CPSF4: variants seen among roughly 807,000 people sequenced by gnomAD.
The protein encoded by CPSF4 is cleavage and polyadenylation specific factor 4.
CPSF4 carries 11 observed loss-of-function variants against 37.7 expected under a neutral mutation model. The observed-to-expected ratio is 0.29, with a 90% CI of 0.18 to 0.48. The LOEUF is 0.48. Ranked by LOEUF, CPSF4 falls within the 20% of genes least tolerant of loss-of-function variation. CPSF4 has a pLI of 0.99. For missense variants in CPSF4, 144 were observed against 359.5 expected (o/e 0.40, Z 4.85); for synonymous variants, 132 against 135.9 (o/e 0.97, Z 0.20).
chr7:99,452,639 A>G (rs1798016789), intron 6 of CPSF4, 199 bp downstream of exon 6: 1 of 575,298 alleles, frequency 1.7e-6, no homozygotes, highest in Non-Finnish European at 3.1e-6. Flanking sequence ...CTTGCCCTAG[A>G]ACCTCAGCAA....
chr7:99,443,230 A>T, intron 1 of CPSF4: 1 of 776,356 alleles, frequency 1.3e-6, no homozygotes, highest in East Asian at 2.4e-5. Flanking sequence ...GGTATTTCAG[A>T]TGTAATTTTC....
At chr7:99,440,674 A>ATTTTTTTTTTTTTT (rs1195402168) in intron 1 of CPSF4, among the ~76,000 whole-genome samples, 4 of 88,086 alleles carry the variant, frequency 4.5e-5, no homozygotes, top group South Asian at 4.3e-4. Flanking sequence ...ATATATATAT[A>ATTTTTTTTTTTTTT]TTTTTTTTTT....
chr7:99,455,048 CTT>C (rs138659924), intron 7 of CPSF4, among the ~76,000 whole-genome samples: 1,958 of 152,254 alleles, frequency 0.013, 38 homozygotes, highest in African/African-American at 0.045. Context: ...GACTGAGACT[CTT>C]TGTCTCCAAA....
intron 1 of CPSF4, among the ~76,000 whole-genome samples, chr7:99,440,704 C>G (rs1026894486): frequency 2.7e-5 from 3 of 110,994 alleles, no homozygotes; most frequent in African/African-American, 1.4e-4. Flanking sequence ...CCTGCCTGTC[C>G]CACAACTTTA....
intron 2 of CPSF4, among the ~76,000 whole-genome samples, chr7:99,447,211 A>G (rs1361477898): frequency 6.6e-6 from 1 of 150,886 alleles, no homozygotes; most frequent in Non-Finnish European, 1.5e-5. Flanking sequence ...GGCCTTCCAA[A>G]GTGCTAGGAT....
rs971089070 is a variant in CPSF4 at position 99,456,378 on chromosome 7, T to A, written c.742-54T>A. ...GCACTCCCTTAGTTGAAAACTGCAT[T>A]TGAACAGTGTTGTTGTCTGTCTCTC... On this transcript the variant is annotated intron_variant, in intron 7 of 7. Transcript: ENST00000292476. 1.9e-6 allele frequency: 3 copies of A among 1,546,126 alleles called. No homozygotes were observed. In the African/African-American group the frequency reaches 4.1e-5, roughly 21 times the overall value.
chr7:99,450,009 G>A (rs926816349), intron 3 of CPSF4, among the ~76,000 whole-genome samples: 1 of 152,172 alleles, frequency 6.6e-6, no homozygotes, highest in Non-Finnish European at 1.5e-5. Flanking sequence ...CGCTGCTTTG[G>A]AGAGGGCCAG....
rs1798096779 is a variant in CPSF4, at chr7:99,453,784, A to G, written c.571-182A>G. 1.7e-6 allele frequency: 1 copy of G among 602,504 alleles called. No homozygotes were observed. Among genetic ancestry groups the G allele is most frequent in the Non-Finnish European group, 2.9e-6 (1 of 340,744 alleles). 37.3% of individuals were successfully genotyped at this position (602,504 alleles called of 1,614,324 possible). A position where few individuals can be genotyped will look rare whatever the true frequency, so the allele number is the denominator to read the frequency against. ...TGTGTCTGCATGGTGTTTTTCGGGC[A>G]GTGGCTTCTGCCATCATCACCACAT... On this transcript the variant is annotated intron_variant, in intron 6 of 7. Transcript: ENST00000292476. The surrounding 1 kb of genome is among the most constrained non-coding windows in gnomAD (Gnocchi z 4.7).
chr7:99,451,096 G>A (rs1263561341), intron 5 of CPSF4: 4 of 277,450 alleles, frequency 1.4e-5, no homozygotes, highest in Non-Finnish European at 2.7e-5. Context: ...GGGAATTTGG[G>A]GACTTCCAGT....
At chr7:99,454,245 TG>T in intron 7 of CPSF4, 109 bp downstream of exon 7, 2 of 1,082,688 alleles carry the variant, frequency 1.8e-6, no homozygotes, top group Non-Finnish European at 2.6e-6. Context: ...CATTCATTTT[TG>T]CTGATTGTAA....
chr7:99,444,709 GT>G, intron 1 of CPSF4, 79 bp from the exon 2 acceptor site: 1 of 1,391,934 alleles, frequency 7.2e-7, no homozygotes, highest in Non-Finnish European at 1.0e-6. Context: ...GGTCAGAAGG[GT>G]TCCCTCCCAC....
chr7:99,439,704 C>T (rs1386191712), intron 1 of CPSF4: 2 of 152,506 alleles, frequency 1.3e-5, no homozygotes, highest in African/African-American at 4.8e-5. Context: ...CAGGAGAGTA[C>T]TAGGATATCA....
chr7:99,448,281 G>GCCTGGAGC lies in CPSF4; in HGVS notation c.307+16_307+23dup, dbSNP rs759815689. On this transcript the variant is annotated intron_variant, in intron 3 of 7. Transcript: ENST00000292476. The surrounding 1 kb of genome is among the most constrained non-coding windows in gnomAD (Gnocchi z 4.4). ...ACTTCTACTCCAAGTTCGGTAAGGC[G>GCCTGGAGC]CCTGGAGCCCTGGAGGCTCTGCTGA... 1.1e-5 allele frequency: 17 copies of GCCTGGAGC among 1,613,618 alleles called. No individual in the cohort carries two copies. Among genetic ancestry groups the GCCTGGAGC allele is most frequent in the Non-Finnish European group, 1.4e-5 (16 of 1,179,882 alleles).
At chr7:99,439,793 C>G (rs1033656425) in intron 1 of CPSF4, among the ~76,000 whole-genome samples, 2 of 152,094 alleles carry the variant, frequency 1.3e-5, no homozygotes, top group Non-Finnish European at 2.9e-5. Flanking sequence ...GAAGGACCAC[C>G]TTTCTGTAGG....
intron 3 of CPSF4, among the ~76,000 whole-genome samples, chr7:99,449,422 C>T (rs1467563058): frequency 2.0e-5 from 3 of 152,248 alleles, no homozygotes; most frequent in African/African-American, 7.2e-5. Context: ...CAGTGGCCTC[C>T]CATCTGTCCC....
At chr7:99,440,861 C>G (rs1322427175) in intron 1 of CPSF4, among the ~76,000 whole-genome samples, 2 of 150,272 alleles carry the variant, frequency 1.3e-5, no homozygotes, top group African/African-American at 4.9e-5. Flanking sequence ...CCCTAAAAAG[C>G]AGCTGCTCAA....
At chr7:99,455,452 G>T (rs1393217359) in intron 7 of CPSF4, among the ~76,000 whole-genome samples, 1 of 152,218 alleles carries the variant, frequency 6.6e-6, no homozygotes, top group Non-Finnish European at 1.5e-5. Flanking sequence ...TGTAATCCCA[G>T]CACTTTGGGA....
intron 2 of CPSF4, among the ~76,000 whole-genome samples, chr7:99,447,371 C>T (rs565200368): frequency 2.7e-5 from 4 of 150,658 alleles, no homozygotes; most frequent in East Asian, 2.0e-4. Context: ...TGGGTTCAAG[C>T]GATTCTCCAG....
chr7:99,456,549 G>A lies in CPSF4; in HGVS notation c.*49G>A, dbSNP rs767968566. ...CAGCCCGGGGGCCCCGCTGTTGGGA[G>A]TGTGCATTTAACTGTTTCATGCGCT... is the stretch of plus-strand genomic sequence containing the variant. On this transcript the variant is annotated 3_prime_UTR_variant, in exon 8 of 8. Transcript: ENST00000292476. 20 of 1,518,466 alleles carry A rather than the reference G, an allele frequency of 1.3e-5. No individual in the cohort carries two copies. Among genetic ancestry groups the A allele is most frequent in the Admixed American group, 3.4e-5 (2 of 59,592 alleles). 94.1% of individuals were successfully genotyped at this position (1,518,466 alleles called of 1,614,324 possible).
Sources: allele counts gnomAD v4.1 joint callset (sites outside exome capture counted in the v4.1 genomes callset), GRCh38; gene constraint gnomAD v4.1.1; non-coding constraint Gnocchi (gnomAD v3.1); transcripts MANE v1.5; gene names NCBI Gene and HGNC (gene_info 2026-07-23, HGNC 2026-07-21).